Variants in DLGAP2 observed in about 807,000 individuals in gnomAD.
DLGAP2 encodes the protein disks large-associated protein 2.
Under a neutral mutation model 100.3 loss-of-function variants are expected in DLGAP2, and 26 were observed. The observed-to-expected ratio is 0.26, with a 90% CI of 0.19 to 0.36. DLGAP2 has a LOEUF of 0.36. Ranked by LOEUF, DLGAP2 falls within the 10% of genes least tolerant of loss-of-function variation. The pLI is 1.00. For missense variants in DLGAP2, 1,858 were observed against 1,453.2 expected (o/e 1.28, Z -4.53); for synonymous variants, 886 against 630.1 (o/e 1.41, Z -6.08).
chr8:1,625,627 G>C (rs551972927), intron 6 of DLGAP2, among the ~76,000 whole-genome samples: 63 of 152,274 alleles, frequency 4.1e-4, no homozygotes, highest in African/African-American at 1.4e-3. Context: ...AATATGTAAA[G>C]TTGCCAGAGA....
At chr8:1,463,403 A>G (rs1798515544) in intron 3 of DLGAP2, among the ~76,000 whole-genome samples, 1 of 152,224 alleles carries the variant, frequency 6.6e-6, no homozygotes, top group African/African-American at 2.4e-5. Flanking sequence ...CCACTCAGAG[A>G]GAACCCAGCA....
At chr8:774,170 C>A (rs1410321895) in intron 1 of DLGAP2, among the ~76,000 whole-genome samples, 1 of 152,028 alleles carries the variant, frequency 6.6e-6, no homozygotes, top group Non-Finnish European at 1.5e-5. Flanking sequence ...CTGTTCATGT[C>A]CTTCACCTAC....
At chr8:1,649,526 G>T (rs1762560532) in intron 8 of DLGAP2, among the ~76,000 whole-genome samples, 2 of 152,196 alleles carry the variant, frequency 1.3e-5, no homozygotes, top group Admixed American at 6.5e-5. Context: ...AAAATGCAGA[G>T]TGCTAGAAAT....
chr8:1,456,148 G>A (rs77895269), intron 3 of DLGAP2, among the ~76,000 whole-genome samples: 2,555 of 152,254 alleles, frequency 0.017, 74 homozygotes, highest in African/African-American at 0.058. Flanking sequence ...AGTTCATGCC[G>A]GTTTTTGAGC....
chr8:1,155,332 A>T (rs1318451466), intron 2 of DLGAP2, among the ~76,000 whole-genome samples: 4 of 151,998 alleles, frequency 2.6e-5, no homozygotes, highest in African/African-American at 9.7e-5. Context: ...GGAAAGTCCC[A>T]CCGCTTCCTG....
At chr8:769,843 C>T (rs545998519) in intron 1 of DLGAP2, among the ~76,000 whole-genome samples, 10 of 152,216 alleles carry the variant, frequency 6.6e-5, no homozygotes, top group East Asian at 5.8e-4. Context: ...GCAGCCTCCA[C>T]GGACATGTTA....
chr8:881,588 C>A (rs557915108), intron 1 of DLGAP2, among the ~76,000 whole-genome samples: 9 of 146,458 alleles, frequency 6.1e-5, no homozygotes, highest in African/African-American at 2.3e-4. Flanking sequence ...CAACCTCCAC[C>A]TCCTGGGTTC....
intron 1 of DLGAP2, among the ~76,000 whole-genome samples, chr8:888,163 C>T (rs998201014): frequency 6.6e-6 from 1 of 152,138 alleles, no homozygotes; most frequent in African/African-American, 2.4e-5. Context: ...TCCTCTCTTC[C>T]ACTTGGTCAA....
At chr8:1,665,751 T>C (rs1313047104) in intron 8 of DLGAP2, among the ~76,000 whole-genome samples, 1 of 152,276 alleles carries the variant, frequency 6.6e-6, no homozygotes, top group African/African-American at 2.4e-5. Flanking sequence ...CGGGCCTGCC[T>C]TCGGCCAGAG....
chr8:1,697,169 C>T lies in DLGAP2; in HGVS notation c.2819C>T (p.Pro940Leu), dbSNP rs373082856. ...QNMDPSAMPR[P>L]TSQDLAGYWD... ...CAGGACCCCAGCGCCATGCCGAGGC[C>T]GACGTCGCAGGACCTGGCCGGCTAC... Residue 940 changes from proline (P) to leucine (L), a missense_variant, in exon 14 of 15, where the codon CCG becomes CTG. By Grantham distance (98) the Pro-to-Leu change is moderately conservative. Transcript: ENST00000637795. 1.6e-5 allele frequency: 26 copies of T among 1,599,758 alleles called. No individual in the cohort carries two copies. The highest frequency in any genetic ancestry group is 2.7e-5 in the African/African-American group (2 of 74,566).
At chr8:806,750 A>G (rs1354201011) in intron 1 of DLGAP2, among the ~76,000 whole-genome samples, 2 of 152,238 alleles carry the variant, frequency 1.3e-5, no homozygotes, top group Non-Finnish European at 2.9e-5. Flanking sequence ...GTTGAGTGAC[A>G]CAGCAGACTC....
chr8:1,200,602 TAGCGTCACCAA>T (rs1375817223), intron 2 of DLGAP2, among the ~76,000 whole-genome samples: 1 of 152,150 alleles, frequency 6.6e-6, no homozygotes, highest in African/African-American at 2.4e-5. Context: ...CCACGTCCAT[TAGCGTCACCAA>T]AGCGTCACTT....
intron 6 of DLGAP2, among the ~76,000 whole-genome samples, chr8:1,605,546 G>C (rs993552647): frequency 6.6e-6 from 1 of 152,144 alleles, no homozygotes; most frequent in African/African-American, 2.4e-5. Flanking sequence ...CTACATTCTT[G>C]TGGGCCTAAG....
chr8:1,410,464 A>G (rs1183909241), intron 3 of DLGAP2, among the ~76,000 whole-genome samples: 8 of 152,312 alleles, frequency 5.3e-5, no homozygotes, highest in African/African-American at 1.7e-4. Context: ...GCAGTAACTT[A>G]CTGTCATGTC....
intron 1 of DLGAP2, among the ~76,000 whole-genome samples, chr8:811,384 T>G (rs985265491): frequency 6.7e-6 from 1 of 149,470 alleles, no homozygotes. Context: ...GCAGGAACTA[T>G]CTGGGGGCCC....
rs550008713 is a variant in DLGAP2 at position 1,240,127 on chromosome 8, A to G, written c.74-18724A>G. On this transcript the variant is annotated intron_variant, in intron 2 of 14. Transcript: ENST00000637795. ...GGCGCCATGTCTAGTTACCTCTCAC[A>G]TGGTGCCATGTGTAGTTCTCTCTCA... is the stretch of plus-strand genomic sequence containing the variant. Among the ~76,000 whole-genome samples the G allele has an allele frequency of 4.8e-4, 69 of 145,150 alleles. 2 individuals are homozygous for G. The East Asian group carries it at 6.3e-3, about 13-fold the overall frequency.
intron 4 of DLGAP2, among the ~76,000 whole-genome samples, chr8:1,536,583 G>A (rs1171169284): frequency 6.6e-6 from 1 of 152,162 alleles, no homozygotes; most frequent in Non-Finnish European, 1.5e-5. Flanking sequence ...CGAAAGTGTA[G>A]TATAAATTCC....
chr8:1,390,481 C>G (rs182186227), intron 3 of DLGAP2, among the ~76,000 whole-genome samples: 1 of 152,300 alleles, frequency 6.6e-6, no homozygotes, highest in East Asian at 1.9e-4. Context: ...CCTACAAGCC[C>G]TTCCTGTCCA....
intron 2 of DLGAP2, among the ~76,000 whole-genome samples, chr8:1,103,452 C>T (rs1292834190): frequency 3.4e-5 from 5 of 149,148 alleles, no homozygotes; most frequent in Non-Finnish European, 7.4e-5. Flanking sequence ...TGATGACTGG[C>T]GGGGCCTTGG....
Sources: allele counts gnomAD v4.1 joint callset (sites outside exome capture counted in the v4.1 genomes callset), GRCh38; gene constraint gnomAD v4.1.1; transcripts MANE v1.5; gene names NCBI Gene and HGNC (gene_info 2026-07-23, HGNC 2026-07-21).